The following DYNC1I2 variants were observed in gnomAD, a reference collection of about 807,000 sequenced individuals.
DYNC1I2 encodes the protein dynein cytoplasmic 1 intermediate chain 2, also known as cytoplasmic dynein 1 intermediate chain 2.
In DYNC1I2, 53 loss-of-function variants were observed where a neutral mutation model predicts 88.6. The ratio of observed to expected loss-of-function variants is 0.60; its 90% CI spans 0.48 to 0.75. The LOEUF is 0.75. Ranked by LOEUF, DYNC1I2 falls within the 30% of genes least tolerant of loss-of-function variation. The pLI is 0.00. For missense variants in DYNC1I2, 458 were observed against 766.6 expected (o/e 0.60, Z 4.75); for synonymous variants, 198 against 254.6 (o/e 0.78, Z 2.12).
At chr2:171,706,759 G>A (rs1396317916) in intron 4 of DYNC1I2, 195 bp downstream of exon 4, 4 of 478,810 alleles carry the variant, frequency 8.4e-6, no homozygotes, top group African/African-American at 2.0e-5. Flanking sequence ...TTTTTGGGGG[G>A]GAGGCAGTGA....
intron 17 of DYNC1I2, 66 bp downstream of exon 17, chr2:171,745,993 G>A: frequency 6.3e-7 from 1 of 1,577,316 alleles, no homozygotes; most frequent in Non-Finnish European, 8.7e-7. Context: ...AGGCATCTTT[G>A]TGGCTAACCC....
At chr2:171,708,768 C>T (rs1559375449) in intron 5 of DYNC1I2, among the ~76,000 whole-genome samples, 1 of 152,116 alleles carries the variant, frequency 6.6e-6, no homozygotes. Flanking sequence ...TCTTGGCTCA[C>T]TGCAACCTCT....
intron 17 of DYNC1I2, among the ~76,000 whole-genome samples, chr2:171,746,401 A>G (rs1028270375): frequency 2.0e-5 from 3 of 152,202 alleles, no homozygotes; most frequent in Admixed American, 6.5e-5. Context: ...ATGGAATCCA[A>G]TAGGATGAGC....
At chr2:171,743,976 T>TC (rs1042814410) in intron 15 of DYNC1I2, 73 bp from the exon 16 acceptor site, 7 of 1,305,868 alleles carry the variant, frequency 5.4e-6, no homozygotes, top group East Asian at 5.4e-5. Flanking sequence ...GTCATTTTTT[T>TC]CCCAGTGATA....
At position 171,707,272 on chromosome 2, in the gene DYNC1I2, T is replaced by A. The variant is rs374370096; in HGVS notation, c.245-15T>A. ...CGTGTAGTAACAGCGGATACCTGTC[T>A]ATTTCACTATTTAGTCCCTCCTCCT... On this transcript the variant is annotated splice_polypyrimidine_tract_variant and intron_variant, in intron 4 of 17. Coordinates refer to ENST00000397119, the MANE Select transcript of DYNC1I2 (RefSeq NM_001378.3). 6.2e-7 allele frequency: 1 copy of A among 1,613,824 alleles called. No individual in the cohort carries two copies. The highest frequency in any genetic ancestry group is 1.1e-5 in the South Asian group (1 of 91,074).
intron 3 of DYNC1I2, among the ~76,000 whole-genome samples, chr2:171,703,780 C>T (rs545139598): frequency 6.6e-5 from 10 of 152,104 alleles, no homozygotes; most frequent in Admixed American, 3.9e-4. Flanking sequence ...TTTAATATTC[C>T]GGGCTAAGAA....
chr2:171,725,576 C>CTT, intron 7 of DYNC1I2, 42 bp from the exon 8 acceptor site: 1 of 1,175,804 alleles, frequency 8.5e-7, no homozygotes, highest in Non-Finnish European at 1.2e-6. Flanking sequence ...TTATATCATT[C>CTT]TGTTTTTTTG....
chr2:171,717,669 A>G (rs1687608074), intron 7 of DYNC1I2, among the ~76,000 whole-genome samples: 1 of 152,142 alleles, frequency 6.6e-6, no homozygotes, highest in South Asian at 2.1e-4. Context: ...TTTGTTAACT[A>G]GTATATTAAT....
At chr2:171,726,941 C>A in intron 11 of DYNC1I2, 25 bp downstream of exon 11, 1 of 1,549,092 alleles carries the variant, frequency 6.5e-7, no homozygotes, top group South Asian at 1.2e-5. Flanking sequence ...TAACAGTCTT[C>A]GCCTCAAGTT....
intron 7 of DYNC1I2, among the ~76,000 whole-genome samples, chr2:171,720,757 T>C (rs1256643747): frequency 1.3e-5 from 2 of 152,136 alleles, no homozygotes; most frequent in Non-Finnish European, 2.9e-5. Flanking sequence ...TAAAATGGAT[T>C]TTTAAAAGAT....
chr2:171,737,145 A>G (rs1224568206), intron 15 of DYNC1I2, among the ~76,000 whole-genome samples: 2 of 152,138 alleles, frequency 1.3e-5, no homozygotes, highest in African/African-American at 4.8e-5. Flanking sequence ...GTTGCCAGCA[A>G]TCCTTGCTGT....
At chr2:171,706,629 G>A in intron 4 of DYNC1I2, 65 bp downstream of exon 4, 1 of 1,438,626 alleles carries the variant, frequency 7.0e-7, no homozygotes, top group East Asian at 2.3e-5. Context: ...TATGCATAAT[G>A]TCTAGAAGGC....
At position 171,725,600 on chromosome 2, in the gene DYNC1I2, T is replaced by TTG. The variant is rs201672013; in HGVS notation, c.512-17_512-16insGT. ...TCTGTTTTTTTGTTTTTTTGTTTGT[T>TTG]TTTTTTTTTTTTTTCAGATGAAGAG... is the stretch of plus-strand genomic sequence containing the variant. On this transcript the variant is annotated splice_polypyrimidine_tract_variant and intron_variant, in intron 7 of 17. Transcript: ENST00000397119. The TTG allele has an allele frequency of 0.028, 28,712 of 1,017,718 alleles. 64 individuals carry two copies. Among genetic ancestry groups the TTG allele is most frequent in the Non-Finnish European group, 0.031 (23,395 of 765,628 alleles). 63.0% of individuals were successfully genotyped at this position (1,017,718 alleles called of 1,614,324 possible). A position where few individuals can be genotyped will look rare whatever the true frequency, so the allele number is the denominator to read the frequency against.
At chr2:171,741,483 A>G (rs974880312) in intron 15 of DYNC1I2, among the ~76,000 whole-genome samples, 1 of 152,070 alleles carries the variant, frequency 6.6e-6, no homozygotes, top group African/African-American at 2.4e-5. Context: ...GTGATACCTC[A>G]TTGTGGTTTT....
intron 5 of DYNC1I2, chr2:171,712,479 A>G (rs1048396434): frequency 5.4e-5 from 16 of 294,098 alleles, no homozygotes; most frequent in Admixed American, 4.7e-5. Context: ...AAGCAGATCT[A>G]TTATTATACA....
chr2:171,693,254 G>A (rs1482986063), intron 3 of DYNC1I2, among the ~76,000 whole-genome samples: 2 of 152,136 alleles, frequency 1.3e-5, no homozygotes, highest in East Asian at 1.9e-4. Context: ...GGAGATTAGC[G>A]AGAGATACAA....
intron 3 of DYNC1I2, among the ~76,000 whole-genome samples, chr2:171,696,939 C>T (rs879681875): frequency 2.6e-5 from 4 of 152,028 alleles, no homozygotes; most frequent in Admixed American, 2.6e-4. Context: ...TGTTTCCCTC[C>T]AAAGTGTTGC....
At chr2:171,701,415 C>T (rs1686250910) in intron 3 of DYNC1I2, among the ~76,000 whole-genome samples, 2 of 152,180 alleles carry the variant, frequency 1.3e-5, no homozygotes, top group Non-Finnish European at 2.9e-5. Context: ...AGTGATCCAC[C>T]CACCTGGTCC....
intron 5 of DYNC1I2, among the ~76,000 whole-genome samples, chr2:171,711,889 G>A (rs1687149656): frequency 6.6e-6 from 1 of 152,098 alleles, no homozygotes; most frequent in Non-Finnish European, 1.5e-5. Flanking sequence ...ATTTAGTGGG[G>A]ACTATGAGCA....
Sources: allele counts gnomAD v4.1 joint callset (sites outside exome capture counted in the v4.1 genomes callset), GRCh38; gene constraint gnomAD v4.1.1; transcripts MANE v1.5; gene names NCBI Gene and HGNC (gene_info 2026-07-23, HGNC 2026-07-21).